TNFSF10: variants seen among roughly 807,000 people sequenced by gnomAD.
TNFSF10 encodes the protein tumor necrosis factor ligand superfamily member 10.
TNFSF10 carries 13 observed loss-of-function variants against 29.5 expected under a neutral mutation model. The ratio of observed to expected loss-of-function variants is 0.44; its 90% CI spans 0.29 to 0.70. The LOEUF (loss-of-function observed/expected upper bound fraction) is 0.70. TNFSF10 is among the 30% of genes least tolerant of loss of function. The pLI is 0.13. For missense variants in TNFSF10, 345 were observed against 330.9 expected (o/e 1.04, Z -0.33); for synonymous variants, 111 against 112.8 (o/e 0.98, Z 0.10).
chr3:172,508,012 G>A (rs1355856661), intron 4 of TNFSF10, among the ~76,000 whole-genome samples: 1 of 152,166 alleles, frequency 6.6e-6, no homozygotes, highest in Non-Finnish European at 1.5e-5. Flanking sequence ...AGGTGAAGAG[G>A]AGCTGTGATT....
chr3:172,522,838 C>T (rs1713757676), intron 1 of TNFSF10, among the ~76,000 whole-genome samples: 1 of 152,090 alleles, frequency 6.6e-6, no homozygotes, highest in Non-Finnish European at 1.5e-5. Context: ...TGAAAATGGG[C>T]ACCAAAGAAC....
At chr3:172,509,142 T>C in intron 4 of TNFSF10, 75 bp downstream of exon 4, 1 of 1,259,584 alleles carries the variant, frequency 7.9e-7, no homozygotes, top group Non-Finnish European at 1.1e-6. Context: ...CAGATAAAAT[T>C]CTTTAAAAAA....
chr3:172,517,667 A>C, intron 1 of TNFSF10: 2 of 985,380 alleles, frequency 2.0e-6, no homozygotes, highest in Non-Finnish European at 2.4e-6. Context: ...CATAATTTTG[A>C]GTATGGTTGT....
intron 2 of TNFSF10, among the ~76,000 whole-genome samples, chr3:172,512,054 G>A (rs1467681868): frequency 6.6e-6 from 1 of 152,186 alleles, no homozygotes; most frequent in Non-Finnish European, 1.5e-5. Flanking sequence ...ATTCATGTGT[G>A]TGTGTGTATA....
rs1015098212 is a variant in TNFSF10 at position 172,522,309 on chromosome 3, T to C, written c.132+944A>G. ...TGAACTTCATCCTGCTGTGTGCTAT[T>C]GGATAAAGACTCTAAGAGCTACATT... On this transcript the variant is annotated intron_variant, in intron 1 of 4. Coordinates refer to ENST00000241261, the MANE Select transcript of TNFSF10 (RefSeq NM_003810.4). The C allele has an allele frequency of 7.6e-6, 6 of 794,280 alleles. No homozygotes were observed. In the East Asian group the frequency reaches 1.3e-4, roughly 17 times the overall value. 49.2% of individuals were successfully genotyped at this position (794,280 alleles called of 1,614,324 possible). A position where few individuals can be genotyped will look rare whatever the true frequency, so the allele number is the denominator to read the frequency against.
At position 172,506,732 on chromosome 3, in the gene TNFSF10, G is replaced by A. The variant is rs150822199; in HGVS notation, c.606C>T (p.Asn202=). ...AAATATATTGGACCATTTGTTTGTC[G>A]TTCTTTGTGTTTTCTTTTATTTCCT... is the stretch of plus-strand genomic sequence containing the variant. The part of the protein sequence containing the change: ...FQEEIKENTK[N]DKQMVQYIYK... The change falls in exon 5 of 5, where the codon AAC becomes AAT. Residue 202 remains asparagine (N), a synonymous_variant. Coordinates refer to ENST00000241261, the MANE Select transcript of TNFSF10 (RefSeq NM_003810.4). 338 of 1,614,116 alleles carry A rather than the reference G, an allele frequency of 2.1e-4. 1 individual carries two copies. Among genetic ancestry groups the A allele is most frequent in the Admixed American group, 2.8e-4 (17 of 60,004 alleles).
At position 172,518,130 on chromosome 3, in the gene TNFSF10, A is replaced by G. The variant is rs373749790; in HGVS notation, c.133-3132T>C. On this transcript the variant is annotated intron_variant, in intron 1 of 4. Transcript: ENST00000241261. ...AAATATGAGTTTCCTGCAGCATATC[A>G]TAGGCTGAGGCTATATTCTCTAACT... 31 of 1,045,476 alleles carry G rather than the reference A, an allele frequency of 3.0e-5. 1 individual carries two copies. The African/African-American group carries it at 4.6e-4, about 15-fold the overall frequency. The allele number at this position is 1,045,476 out of a possible 1,614,324, so 64.8% of individuals were successfully genotyped here. A position where few individuals can be genotyped will look rare whatever the true frequency, so the allele number is the denominator to read the frequency against.
chr3:172,521,062 T>C (rs1713670741), intron 1 of TNFSF10, among the ~76,000 whole-genome samples: 1 of 152,130 alleles, frequency 6.6e-6, no homozygotes. Context: ...TCAAGATGGA[T>C]TAAAGACTTA....
rs1265042021 is a variant in TNFSF10 at position 172,518,406 on chromosome 3, T to C, written c.133-3408A>G. The C allele has an allele frequency of 7.0e-6, 9 of 1,289,096 alleles. No homozygotes were observed. In the East Asian group the frequency reaches 4.4e-4, roughly 64 times the overall value. 79.9% of individuals were successfully genotyped at this position (1,289,096 alleles called of 1,614,324 possible). A position where few individuals can be genotyped will look rare whatever the true frequency, so the allele number is the denominator to read the frequency against. On this transcript the variant is annotated intron_variant, in intron 1 of 4. Coordinates refer to ENST00000241261, the MANE Select transcript of TNFSF10 (RefSeq NM_003810.4). The stretch of plus-strand genomic sequence containing the variant: ...AGACTCAGCAAGGTAGACTTCAAGA[T>C]GGCAGCAATGACCCTGTCTGCTGCC...
Position 172,514,852 on chromosome 3 carries a change from G to T in TNFSF10, c.270+9C>A, listed in dbSNP as rs1054069071. The T allele has an allele frequency of 3.7e-6, 6 of 1,613,958 alleles. No homozygotes were observed. The East Asian group carries it at 1.1e-4, about 30-fold the overall frequency. On this transcript the variant is annotated intron_variant, in intron 2 of 4. Coordinates refer to ENST00000241261, the MANE Select transcript of TNFSF10 (RefSeq NM_003810.4). ...CCTGCTGGTGAGGTCACCTGGTGAG[G>T]TTACCTACCTTTCTAACGAGCTGAC...
chr3:172,519,799 C>G (rs1234956148), intron 1 of TNFSF10, among the ~76,000 whole-genome samples: 1 of 152,216 alleles, frequency 6.6e-6, no homozygotes, highest in Non-Finnish European at 1.5e-5. Flanking sequence ...CAAATAGTTA[C>G]TACTCTATGT....
chr3:172,511,735 T>C, intron 2 of TNFSF10, 76 bp from the exon 3 acceptor site: 1 of 1,296,664 alleles, frequency 7.7e-7, no homozygotes, highest in South Asian at 1.3e-5. Flanking sequence ...ATGGCTCATC[T>C]TGCTGATGTC....
At chr3:172,513,766 T>G (rs532465048) in intron 2 of TNFSF10, among the ~76,000 whole-genome samples, 52 of 152,328 alleles carry the variant, frequency 3.4e-4, no homozygotes, top group African/African-American at 1.2e-3. Context: ...GTGTATGTGG[T>G]ACTTCATAGT....
chr3:172,517,802 GA>G (rs1483011323), intron 1 of TNFSF10: 4 of 982,144 alleles, frequency 4.1e-6, no homozygotes, highest in Non-Finnish European at 4.8e-6. Context: ...AAATAAAAAG[GA>G]AAAAAAGTAC....
At chr3:172,511,262 G>T (rs1577011170) in intron 3 of TNFSF10, among the ~76,000 whole-genome samples, 1 of 152,188 alleles carries the variant, frequency 6.6e-6, no homozygotes. Context: ...AACTTTAAGG[G>T]ACTTCATTTA....
intron 4 of TNFSF10, 76 bp from the exon 5 acceptor site, chr3:172,506,995 G>A (rs952309123): frequency 6.8e-6 from 9 of 1,323,230 alleles, no homozygotes; most frequent in Non-Finnish European, 9.1e-6. Flanking sequence ...TTGCAGCTGT[G>A]GCCAGCCTAT....
chr3:172,522,141 T>C (rs1713725511), intron 1 of TNFSF10: 1 of 305,230 alleles, frequency 3.3e-6, no homozygotes, highest in African/African-American at 2.2e-5. Flanking sequence ...CAAACCACCA[T>C]GGCACATGTA....
chr3:172,523,077 C>T (rs1239867172), intron 1 of TNFSF10, among the ~76,000 whole-genome samples, 176 bp downstream of exon 1: 1 of 152,166 alleles, frequency 6.6e-6, no homozygotes, highest in Non-Finnish European at 1.5e-5. Flanking sequence ...TACACAATTT[C>T]TTGAACTTAC....
intron 2 of TNFSF10, among the ~76,000 whole-genome samples, chr3:172,513,493 G>A (rs1713307499): frequency 6.6e-6 from 1 of 152,192 alleles, no homozygotes; most frequent in South Asian, 2.1e-4. Flanking sequence ...AATGCCGCCA[G>A]GGCAGCCACA....
Sources: gnomAD v4.1 joint callset for allele counts (sites outside exome capture counted in the v4.1 genomes callset) on GRCh38, gnomAD v4.1.1 for gene constraint, MANE v1.5 for transcripts, NCBI Gene and HGNC (gene_info 2026-07-23, HGNC 2026-07-21) for gene names.